The following ZNF385D variants were observed in gnomAD, a reference collection of about 807,000 sequenced individuals.
The protein encoded by ZNF385D is zinc finger protein 659.
In ZNF385D, 15 loss-of-function variants were observed where a neutral mutation model predicts 35.8. That is an observed-to-expected ratio of 0.42 (90% CI 0.28 to 0.64). The LOEUF is 0.64. Among genes scored for constraint, ZNF385D ranks in the 30% least tolerant of loss-of-function variants. The probability of loss-of-function intolerance (pLI) is 0.23; values close to 1 mark genes in which losing one functional copy is unlikely to be tolerated. For synonymous variants in ZNF385D, 212 were observed against 186.8 expected (o/e 1.13, Z -1.10); for missense variants, 474 against 494.6 (o/e 0.96, Z 0.39).
rs78521032 is a variant in ZNF385D at position 21,599,042 on chromosome 3, A to G, written c.166-34358T>C. On this transcript the variant is annotated intron_variant, in intron 2 of 7. Coordinates refer to ENST00000281523, the MANE Select transcript of ZNF385D (RefSeq NM_024697.3). ...ACTAAAACAGTAGTGACTTCCAAAT[A>G]AACTTCAAATCACCTATTTTTAAAT... is the stretch of plus-strand genomic sequence containing the variant. 4.8e-3 allele frequency among the ~76,000 whole-genome samples: 730 copies of G among 152,332 alleles called. 6 individuals carry two copies. Among genetic ancestry groups the G allele is most frequent in the Non-Finnish European group, 4.9e-3 (333 of 68,032 alleles).
chr3:21,659,993 G>C (rs1421324309), intron 2 of ZNF385D, among the ~76,000 whole-genome samples: 1 of 151,942 alleles, frequency 6.6e-6, no homozygotes, highest in South Asian at 2.1e-4. Context: ...TCCTCCAATG[G>C]ATAAAACTCC....
At chr3:22,264,515 A>G (rs1363764810) in intron 2 of ZNF385D, among the ~76,000 whole-genome samples, 1 of 151,962 alleles carries the variant, frequency 6.6e-6, no homozygotes, top group Non-Finnish European at 1.5e-5. Flanking sequence ...AGATCCTAAC[A>G]TGTTTCTTTA....
intron 3 of ZNF385D, among the ~76,000 whole-genome samples, chr3:22,044,696 G>A (rs1288956960): frequency 6.6e-6 from 1 of 152,106 alleles, no homozygotes; most frequent in Admixed American, 6.6e-5. Context: ...TGGTTAACCT[G>A]CTCTATTGGG....
In ZNF385D at chr3:21,585,479, T is replaced by C. The variant is rs1010911719; in HGVS notation, c.166-20795A>G. ...TTCTCCAGATCTTTCTGGATAACCA[T>C]TTGCATTTTGTAAAGGAATCTTGGC... On this transcript the variant is annotated intron_variant, in intron 2 of 7. Coordinates refer to ENST00000281523, the MANE Select transcript of ZNF385D (RefSeq NM_024697.3). 1.6e-4 allele frequency among the ~76,000 whole-genome samples: 24 copies of C among 152,352 alleles called. 1 individual carries two copies. Among genetic ancestry groups the C allele is most frequent in the Admixed American group, 1.1e-3 (17 of 15,306 alleles).
chr3:21,692,744 C>G (rs771148478), intron 1 of ZNF385D, among the ~76,000 whole-genome samples: 65 of 152,168 alleles, frequency 4.3e-4, no homozygotes, highest in Non-Finnish European at 7.5e-4. Flanking sequence ...TTTTGCCACC[C>G]CTTCTTCTGA....
intron 3 of ZNF385D, among the ~76,000 whole-genome samples, chr3:21,946,216 C>T (rs1377494558): frequency 6.6e-6 from 1 of 152,078 alleles, no homozygotes; most frequent in Non-Finnish European, 1.5e-5. Context: ...TTTAACTTAA[C>T]CATTTCCATC....
intron 3 of ZNF385D, among the ~76,000 whole-genome samples, chr3:21,955,178 G>A (rs1450911493): frequency 6.6e-6 from 1 of 152,098 alleles, no homozygotes; most frequent in Non-Finnish European, 1.5e-5. Flanking sequence ...ACAAAACACA[G>A]TACAGTAACA....
At chr3:22,044,430 T>C (rs1698859965) in intron 3 of ZNF385D, among the ~76,000 whole-genome samples, 1 of 152,092 alleles carries the variant, frequency 6.6e-6, no homozygotes, top group Admixed American at 6.6e-5. Context: ...ATAGAGTTCC[T>C]AGAGCAAGGC....
At chr3:22,156,385 C>A (rs1050542515) in intron 3 of ZNF385D, among the ~76,000 whole-genome samples, 4 of 140,178 alleles carry the variant, frequency 2.9e-5, no homozygotes, top group Non-Finnish European at 5.0e-5. Context: ...GTGTACACAG[C>A]CCCCCTGCCC....
intron 3 of ZNF385D, among the ~76,000 whole-genome samples, chr3:21,947,680 G>T (rs1701860992): frequency 6.6e-6 from 1 of 152,020 alleles, no homozygotes; most frequent in African/African-American, 2.4e-5. Flanking sequence ...TCATTTGCAT[G>T]ACTATTTTTT....
chr3:21,617,253 A>G (rs1376231287), intron 2 of ZNF385D, among the ~76,000 whole-genome samples: 1 of 152,216 alleles, frequency 6.6e-6, no homozygotes, highest in East Asian at 1.9e-4. Flanking sequence ...TCAAAACAAT[A>G]ACCTAAGTTC....
At chr3:22,293,797 T>G (rs182472275) in intron 2 of ZNF385D, among the ~76,000 whole-genome samples, 1 of 152,120 alleles carries the variant, frequency 6.6e-6, no homozygotes, top group Non-Finnish European at 1.5e-5. Flanking sequence ...AGGTTCTACT[T>G]GAAAACTACT....
chr3:22,119,216 A>G lies in ZNF385D; in HGVS notation c.325+49601T>C, dbSNP rs79957318. ...GCTTGGAACTTAATATAGAAAAAATACCTTGTCAGCTACTTAACATGGATT... is the reference window on the plus strand; with the variant it reads ...GCTTGGAACTTAATATAGAAAAAATGCCTTGTCAGCTACTTAACATGGATT... On this transcript the variant is annotated intron_variant, in intron 3 of 5. Transcript: ENST00000494108. 5.8e-3 allele frequency among the ~76,000 whole-genome samples: 888 copies of G among 152,236 alleles called. 8 individuals are homozygous for G. Among genetic ancestry groups the G allele is most frequent in the African/African-American group, 0.019 (782 of 41,558 alleles).
At chr3:22,008,096 G>A (rs992871546) in intron 3 of ZNF385D, among the ~76,000 whole-genome samples, 4 of 151,898 alleles carry the variant, frequency 2.6e-5, no homozygotes, top group Admixed American at 1.3e-4. Flanking sequence ...CTTTTTACAT[G>A]ATGATTTAGT....
rs1326424840 is a variant in ZNF385D at position 21,418,791 on chromosome 3, T to C, written c.*2423A>G. 6.6e-6 allele frequency: 1 copy of C among 152,178 alleles called. No individual in the cohort carries two copies. The highest frequency in any genetic ancestry group is 1.5e-5 in the Non-Finnish European group (1 of 68,022). The allele number at this position is 152,178 out of a possible 1,614,324, so 9.4% of individuals were successfully genotyped here. ...ACAGAAAGTGAGGCTGTATCAGTTG[T>C]AAAGGTTGTTGGATAGGGACTCAGG... On this transcript the variant is annotated 3_prime_UTR_variant, in exon 8 of 8. Coordinates refer to ENST00000281523, the MANE Select transcript of ZNF385D (RefSeq NM_024697.3).
intron 3 of ZNF385D, among the ~76,000 whole-genome samples, chr3:21,902,746 C>T (rs988553679): frequency 2.6e-5 from 4 of 152,054 alleles, no homozygotes; most frequent in Non-Finnish European, 4.4e-5. Context: ...TGCTAGATGA[C>T]GAGTTAGTGG....
intron 1 of ZNF385D, among the ~76,000 whole-genome samples, chr3:21,701,647 G>A (rs2067687459): frequency 6.6e-6 from 1 of 152,106 alleles, no homozygotes; most frequent in Admixed American, 6.5e-5. Flanking sequence ...CTGAGACAAA[G>A]CAAGTGCCTT....
At chr3:21,488,056 A>G (rs577264322) in intron 4 of ZNF385D, among the ~76,000 whole-genome samples, 6 of 152,008 alleles carry the variant, frequency 3.9e-5, no homozygotes, top group African/African-American at 1.4e-4. Context: ...TTGAAAATTG[A>G]ACTTACATAT....
At chr3:22,077,911 T>C (rs1700546769) in intron 3 of ZNF385D, among the ~76,000 whole-genome samples, 1 of 152,036 alleles carries the variant, frequency 6.6e-6, no homozygotes, top group Non-Finnish European at 1.5e-5. Flanking sequence ...TCACTCCATG[T>C]CTGATACCTG....
Sources: allele counts gnomAD v4.1 joint callset (sites outside exome capture counted in the v4.1 genomes callset), GRCh38; gene constraint gnomAD v4.1.1; transcripts MANE v1.5; gene names NCBI Gene and HGNC (gene_info 2026-07-23, HGNC 2026-07-21).